Variants in CNTNAP2 observed in about 807,000 individuals in gnomAD.
CNTNAP2 encodes the protein contactin associated protein 2, also known as contactin-associated protein-like 2.
Under a neutral mutation model 155.2 loss-of-function variants are expected in CNTNAP2, and 98 were observed. The ratio of observed to expected loss-of-function variants is 0.63; its 90% CI spans 0.54 to 0.75. CNTNAP2 has a LOEUF of 0.75. Among genes scored for constraint, CNTNAP2 ranks in the 30% least tolerant of loss-of-function variants. The pLI, the probability that CNTNAP2 is intolerant of heterozygous loss-of-function variation, is 0.00. For synonymous variants in CNTNAP2, 651 were observed against 631.2 expected, an observed-to-expected ratio of 1.03 and a Z score of -0.47; for missense variants, 1,727 against 1,688.1, an observed-to-expected ratio of 1.02 and a Z score of -0.40.
rs533156797 is a variant in CNTNAP2, at chr7:146,559,567, C to CAAAT, written c.98-214688_98-214685dup. Among the ~76,000 whole-genome samples, 20 of 151,620 alleles carry CAAAT rather than the reference C, an allele frequency of 1.3e-4. No individual in the cohort carries two copies. The East Asian group carries it at 3.5e-3, about 26-fold the overall frequency. On this transcript the variant is annotated intron_variant, in intron 1 of 23. Transcript: ENST00000361727. ...CTGGCAACAGAGCAACACTCTGTCT[C>CAAAT]AAATAAATAAATAAATAAAATAAAA...
intron 1 of CNTNAP2, among the ~76,000 whole-genome samples, chr7:146,453,454 A>G (rs564443134): frequency 6.6e-6 from 1 of 152,320 alleles, no homozygotes; most frequent in East Asian, 1.9e-4. Context: ...CTTGTCATAA[A>G]TGAAGCTTGG....
At chr7:146,759,595 C>T (rs183113584) in intron 1 of CNTNAP2, among the ~76,000 whole-genome samples, 117 of 147,458 alleles carry the variant, frequency 7.9e-4, no homozygotes, top group African/African-American at 2.3e-3. Flanking sequence ...CTCAGGAGGC[C>T]GAGGCAGGAG....
chr7:146,528,414 G>C (rs911690198), intron 1 of CNTNAP2, among the ~76,000 whole-genome samples: 2 of 152,134 alleles, frequency 1.3e-5, no homozygotes, highest in African/African-American at 4.8e-5. Flanking sequence ...GAAATAAGAC[G>C]TGAAGACCAT....
chr7:146,926,330 C>A lies in CNTNAP2; in HGVS notation c.402+86426C>A, dbSNP rs1051122633. On this transcript the variant is annotated intron_variant, in intron 3 of 23. Coordinates refer to ENST00000361727, the MANE Select transcript of CNTNAP2 (RefSeq NM_014141.6). The stretch of plus-strand genomic sequence containing the variant: ...TGAAAAGGATACTCTTCTCCTCTAA[C>A]AGTACTCTTCTTTAGTCTGTTTTTA... 3.3e-5 allele frequency among the ~76,000 whole-genome samples: 5 copies of A among 152,068 alleles called. No individual in the cohort carries two copies. In the South Asian group the frequency reaches 1.0e-3, roughly 31 times the overall value.
chr7:146,682,429 C>T (rs963817946), intron 1 of CNTNAP2, among the ~76,000 whole-genome samples: 1 of 152,080 alleles, frequency 6.6e-6, no homozygotes, highest in Non-Finnish European at 1.5e-5. Flanking sequence ...TTATCAGTGG[C>T]TTATTACATA....
chr7:147,800,821 T>C (rs1563093710), intron 13 of CNTNAP2, among the ~76,000 whole-genome samples: 2 of 152,240 alleles, frequency 1.3e-5, no homozygotes, highest in East Asian at 3.8e-4. Flanking sequence ...TACTGTACTT[T>C]TTCTATGTTT....
chr7:147,410,104 A>C (rs1190732079), intron 10 of CNTNAP2, among the ~76,000 whole-genome samples: 1 of 152,360 alleles, frequency 6.6e-6, no homozygotes, highest in Non-Finnish European at 1.5e-5. Flanking sequence ...ATCCATGCAG[A>C]CATTCATTGC....
At chr7:147,305,551 A>G (rs1013516161) in intron 9 of CNTNAP2, among the ~76,000 whole-genome samples, 5 of 152,202 alleles carry the variant, frequency 3.3e-5, no homozygotes, top group Middle Eastern at 3.2e-3. Flanking sequence ...TTGCTTTTGT[A>G]CCAACAGGAA....
chr7:147,375,846 G>T (rs774948831), intron 9 of CNTNAP2, among the ~76,000 whole-genome samples: 8 of 152,026 alleles, frequency 5.3e-5, no homozygotes, highest in Non-Finnish European at 1.2e-4. Flanking sequence ...TTACTTTGGT[G>T]AGTTTTCAGA....
chr7:146,957,478 G>A (rs911088456), intron 3 of CNTNAP2, among the ~76,000 whole-genome samples: 2 of 152,072 alleles, frequency 1.3e-5, no homozygotes, highest in Admixed American at 6.6e-5. Flanking sequence ...TATCCTAAAC[G>A]GTAAATGCAA....
At chr7:147,868,295 A>G (rs994825807) in intron 13 of CNTNAP2, among the ~76,000 whole-genome samples, 4 of 152,212 alleles carry the variant, frequency 2.6e-5, no homozygotes, top group Admixed American at 2.6e-4. Flanking sequence ...AAAACAGCAA[A>G]TATTGCAGAA....
intron 21 of CNTNAP2, among the ~76,000 whole-genome samples, chr7:148,306,523 C>T (rs1471929669): frequency 6.6e-6 from 1 of 152,122 alleles, no homozygotes; most frequent in African/African-American, 2.4e-5. Context: ...ATTCTCTGAA[C>T]AATGTTCTCA....
intron 3 of CNTNAP2, among the ~76,000 whole-genome samples, chr7:146,929,586 G>A (rs572191286): frequency 3.1e-4 from 47 of 152,306 alleles, no homozygotes; most frequent in African/African-American, 1.0e-3. Context: ...AAAGCTGGAC[G>A]GAGAATGACT....
At chr7:146,322,447 G>A (rs1801020766) in intron 1 of CNTNAP2, among the ~76,000 whole-genome samples, 1 of 152,052 alleles carries the variant, frequency 6.6e-6, no homozygotes, top group African/African-American at 2.4e-5. Flanking sequence ...AAACGTAGCA[G>A]TTATCTAAAT....
At chr7:146,448,672 G>A (rs1796436141) in intron 1 of CNTNAP2, among the ~76,000 whole-genome samples, 1 of 151,976 alleles carries the variant, frequency 6.6e-6, no homozygotes, top group Non-Finnish European at 1.5e-5. Flanking sequence ...TCCTCTAATG[G>A]TTGTATCTTA....
At chr7:147,488,063 C>T (rs1360401274) in intron 11 of CNTNAP2, among the ~76,000 whole-genome samples, 9 of 151,862 alleles carry the variant, frequency 5.9e-5, no homozygotes, top group South Asian at 2.1e-4. Context: ...CTTTTTCTTT[C>T]GAAAAATATA....
At chr7:148,391,399 A>G (rs2116678955) in intron 22 of CNTNAP2, among the ~76,000 whole-genome samples, 1 of 121,946 alleles carries the variant, frequency 8.2e-6, no homozygotes, top group East Asian at 1.9e-4. Flanking sequence ...ACATTTTTAT[A>G]GGGGGATGAG....
rs1216288909 is a variant in CNTNAP2 at position 148,378,734 on chromosome 7, C to T, written c.3476-4915C>T. Among the ~76,000 whole-genome samples, 5 of 66,584 alleles carry T rather than the reference C, an allele frequency of 7.5e-5. 2 individuals carry two copies. Among genetic ancestry groups the T allele is most frequent in the Non-Finnish European group, 2.1e-4 (5 of 23,964 alleles). 43.7% of individuals were successfully genotyped at this position (66,584 alleles called of 152,430 possible). ...AATGAAACTCAGCACTGTTGCCCAC[C>T]GAAGCATCCAGGTCTGAGGTCTGAC... On this transcript the variant is annotated intron_variant, in intron 21 of 23. Coordinates refer to ENST00000361727, the MANE Select transcript of CNTNAP2 (RefSeq NM_014141.6).
At chr7:146,520,776 G>A (rs1049686859) in intron 1 of CNTNAP2, among the ~76,000 whole-genome samples, 43 of 151,932 alleles carry the variant, frequency 2.8e-4, no homozygotes, top group Middle Eastern at 6.8e-3. Context: ...TCTGGAAAGC[G>A]CTTCTTAAAT....
Sources: gnomAD v4.1 joint callset for allele counts (sites outside exome capture counted in the v4.1 genomes callset) on GRCh38, gnomAD v4.1.1 for gene constraint, MANE v1.5 for transcripts, NCBI Gene and HGNC (gene_info 2026-07-23, HGNC 2026-07-21) for gene names.